Variants in COL21A1 observed in about 807,000 individuals in gnomAD.
The protein encoded by COL21A1 is collagen alpha-1(XXI) chain.
In COL21A1, 149 loss-of-function variants were observed where a neutral mutation model predicts 137.9. The ratio of observed to expected loss-of-function variants is 1.08; its 90% confidence interval spans 0.95 to 1.24. COL21A1 has a LOEUF of 1.24. Among genes scored for constraint, COL21A1 ranks in the 50% most tolerant of loss-of-function variants. COL21A1 has a pLI of 0.00. For synonymous variants in COL21A1, 456 were observed against 391.5 expected, an observed-to-expected ratio of 1.16 and a Z score of -1.95; for missense variants, 1,167 against 1,158.4, an observed-to-expected ratio of 1.01 and a Z score of -0.11.
chr6:56,279,297 T>A (rs1262597150), intron 1 of COL21A1, among the ~76,000 whole-genome samples: 1 of 152,194 alleles, frequency 6.6e-6, no homozygotes, highest in South Asian at 2.1e-4. Context: ...CCAGCATAAT[T>A]TTTCCTGTAC....
intron 10 of COL21A1, among the ~76,000 whole-genome samples, chr6:56,143,544 C>T (rs1292397299): frequency 1.3e-5 from 2 of 152,144 alleles, no homozygotes; most frequent in Non-Finnish European, 2.9e-5. Flanking sequence ...TTCCTTCATA[C>T]TCTATTCAGT....
chr6:56,260,891 T>C (rs72645373), intron 1 of COL21A1, among the ~76,000 whole-genome samples: 22,195 of 150,734 alleles, frequency 0.15, 3,041 homozygotes, highest in East Asian at 0.6. Flanking sequence ...TGTGTGTGTG[T>C]GTACCTTTTA....
Position 56,075,523 on chromosome 6 carries a change from C to T in COL21A1, c.1867G>A (p.Gly623Arg), listed in dbSNP as rs1767153809. 6.6e-7 allele frequency: 1 copy of T among 1,518,660 alleles called. No homozygotes were observed. Among genetic ancestry groups the T allele is most frequent in the Non-Finnish European group, 8.8e-7 (1 of 1,134,604 alleles). The allele number at this position is 1,518,660 out of a possible 1,614,324, so 94.1% of individuals were successfully genotyped here. The change falls in exon 19 of 30, where the codon GGG (glycine) becomes AGG (arginine). Residue 623 changes from glycine to arginine, a missense_variant. Transcript: ENST00000244728. ...TTTTTTCCTTGCTGTCCTGGAGGCC[C>T]AATTTCTCCCTAAAAAAATCAAACA... ...RGLMGQKGEIGPPGQQGKKGA... is the reference protein window; with the variant it reads ...RGLMGQKGEIRPPGQQGKKGA...
chr6:56,267,496 C>T (rs1180888101), intron 1 of COL21A1, among the ~76,000 whole-genome samples: 1 of 151,968 alleles, frequency 6.6e-6, no homozygotes, highest in East Asian at 1.9e-4. Context: ...GTGACTCATG[C>T]CTGTAATCCC....
At chr6:56,174,721 T>C (rs1561947677) in intron 3 of COL21A1, among the ~76,000 whole-genome samples, 1 of 152,104 alleles carries the variant, frequency 6.6e-6, no homozygotes, top group Non-Finnish European at 1.5e-5. Flanking sequence ...TGGTGAATTC[T>C]ACCAGACATT....
chr6:56,372,648 G>A (rs953414357), intron 1 of COL21A1, among the ~76,000 whole-genome samples: 6 of 152,234 alleles, frequency 3.9e-5, no homozygotes, highest in African/African-American at 1.4e-4. Flanking sequence ...ATGTAAGGCT[G>A]GAGTGGGGGG....
intron 10 of COL21A1, among the ~76,000 whole-genome samples, chr6:56,148,363 AGAGAG>A (rs1775013866): frequency 2.0e-5 from 3 of 151,692 alleles, no homozygotes; most frequent in African/African-American, 7.3e-5. Flanking sequence ...AGAGAGAGAG[AGAGAG>A]AAACACATAA....
intron 16 of COL21A1, among the ~76,000 whole-genome samples, chr6:56,108,124 T>C (rs1771113535): frequency 6.6e-6 from 1 of 151,818 alleles, no homozygotes. Flanking sequence ...ATATAAATTT[T>C]CCTAAATCCC....
intron 1 of COL21A1, among the ~76,000 whole-genome samples, chr6:56,284,937 G>A (rs1763869430): frequency 6.6e-6 from 1 of 152,142 alleles, no homozygotes; most frequent in Admixed American, 6.5e-5. Flanking sequence ...ATTTAGGATG[G>A]CATTTGGGCA....
Position 56,057,449 on chromosome 6 carries a change from A to C in COL21A1, c.*208T>G. The C allele has an allele frequency of 3.6e-6, 2 of 560,216 alleles. No individual in the cohort carries two copies. Among genetic ancestry groups the C allele is most frequent in the East Asian group, 7.0e-5 (2 of 28,616 alleles). 34.7% of individuals were successfully genotyped at this position (560,216 alleles called of 1,614,324 possible). On this transcript the variant is annotated 3_prime_UTR_variant, in exon 30 of 30. Transcript: ENST00000244728. ...ACAAGAAACCCTTGAGATTTAATTA[A>C]TGCTGCTAATCCAAGGGCTCCAAAT...
chr6:56,150,303 G>T (rs2152248632), intron 10 of COL21A1, among the ~76,000 whole-genome samples: 1 of 152,142 alleles, frequency 6.6e-6, no homozygotes, highest in Middle Eastern at 3.4e-3. Flanking sequence ...CGGATCACGA[G>T]GCCAGGAAAT....
intron 1 of COL21A1, among the ~76,000 whole-genome samples, chr6:56,242,246 C>A (rs1782372102): frequency 6.6e-6 from 1 of 152,002 alleles, no homozygotes; most frequent in African/African-American, 2.4e-5. Flanking sequence ...CATTGAATCA[C>A]CTATGAATTT....
chr6:56,092,870 G>A (rs543057177), intron 17 of COL21A1, among the ~76,000 whole-genome samples: 34 of 152,110 alleles, frequency 2.2e-4, no homozygotes, highest in Non-Finnish European at 4.4e-4. Context: ...TGAAGTCAAA[G>A]TCTTTTCAGG....
At chr6:56,066,490 A>T (rs1766261833) in intron 23 of COL21A1, among the ~76,000 whole-genome samples, 1 of 151,944 alleles carries the variant, frequency 6.6e-6, no homozygotes, top group South Asian at 2.1e-4. Flanking sequence ...AAGCTCAGAC[A>T]CTATCACTGA....
intron 1 of COL21A1, among the ~76,000 whole-genome samples, chr6:56,334,823 G>A (rs975438389): frequency 1.3e-5 from 2 of 152,106 alleles, no homozygotes; most frequent in Non-Finnish European, 2.9e-5. Context: ...TAGTTATCAC[G>A]GGAGAGGGCT....
At chr6:56,171,180 A>G (rs1341546773) in intron 3 of COL21A1, 52 bp from the exon 4 acceptor site, 2 of 1,344,790 alleles carry the variant, frequency 1.5e-6, no homozygotes, top group Non-Finnish European at 1.0e-6. Flanking sequence ...TTCAAACAAT[A>G]AAAGAAAAAT....
At chr6:56,221,117 C>A (rs1469945490) in intron 1 of COL21A1, among the ~76,000 whole-genome samples, 1 of 152,174 alleles carries the variant, frequency 6.6e-6, no homozygotes, top group East Asian at 1.9e-4. Context: ...ATTGTGGAGT[C>A]TGTCTCATGC....
chr6:56,175,921 A>C (rs554082536), intron 3 of COL21A1, among the ~76,000 whole-genome samples: 1 of 152,304 alleles, frequency 6.6e-6, no homozygotes. Flanking sequence ...TGGTAAAGGC[A>C]TAAAAACAAA....
chr6:56,298,260 C>T (rs961608389), intron 1 of COL21A1, among the ~76,000 whole-genome samples: 4 of 151,888 alleles, frequency 2.6e-5, no homozygotes, highest in Non-Finnish European at 5.9e-5. Flanking sequence ...AACAGGTTTG[C>T]AGAACAAAAA....
Sources: allele counts gnomAD v4.1 joint callset (sites outside exome capture counted in the v4.1 genomes callset), GRCh38; gene constraint gnomAD v4.1.1; transcripts MANE v1.5; gene names NCBI Gene and HGNC (gene_info 2026-07-23, HGNC 2026-07-21).